The following AGPAT4 variants were observed in gnomAD, a reference collection of about 807,000 sequenced individuals.
AGPAT4 encodes 1-acylglycerol-3-phosphate O-acyltransferase 4.
A neutral mutation model predicts 48.0 loss-of-function variants in AGPAT4; 15 were observed. The observed-to-expected ratio is 0.31, with a 90% CI of 0.21 to 0.48. The LOEUF (loss-of-function observed/expected upper bound fraction) is 0.48. Ranked by LOEUF, AGPAT4 falls within the 20% of genes least tolerant of loss-of-function variation. The pLI is 0.99. For synonymous variants in AGPAT4, 178 were observed against 198.7 expected (o/e 0.90, Z 0.88); for missense variants, 314 against 482.5 (o/e 0.65, Z 3.27).
intron 1 of AGPAT4, among the ~76,000 whole-genome samples, chr6:161,241,419 T>C (rs1782486415): frequency 6.6e-6 from 1 of 152,198 alleles, no homozygotes; most frequent in South Asian, 2.1e-4. Flanking sequence ...TAAATCATAC[T>C]TAACTTTTTC....
In AGPAT4 at chr6:161,202,300, A is replaced by G. The variant is rs1407297095; in HGVS notation, c.178+29736T>C. Among the ~76,000 whole-genome samples the G allele has an allele frequency of 1.3e-5, 2 of 152,050 alleles. No individual in the cohort carries two copies. The highest frequency in any genetic ancestry group is 4.8e-5 in the African/African-American group (2 of 41,408). On this transcript the variant is annotated intron_variant, in intron 2 of 8. Coordinates refer to ENST00000320285, the MANE Select transcript of AGPAT4 (RefSeq NM_020133.3). The surrounding 1 kb of genome is among the most constrained non-coding windows in gnomAD (Gnocchi z 5.4). ...TGAGGCTGGCAAGGTGGTGCTGGCT[A>G]TTGGCTGTAGATCTCAATTCCTCTT...
rs3778222 is a variant in AGPAT4, at chr6:161,151,452, C to T, written c.664+1894G>A. On this transcript the variant is annotated intron_variant, in intron 5 of 8. Transcript: ENST00000320285. ...CTGAGGCAAAGCTCAGTTAGGGAGC[C>T]GCGCTGGCCCAACCCAGAGGGGATG... Among the ~76,000 whole-genome samples the T allele has an allele frequency of 2.0e-3, 301 of 152,334 alleles. 4 individuals carry two copies. In the East Asian group the frequency reaches 0.046, roughly 23 times the overall value.
rs575135319 is a variant in AGPAT4, at chr6:161,178,634, C to G, written c.179-12217G>C. 7.6e-4 allele frequency among the ~76,000 whole-genome samples: 116 copies of G among 152,306 alleles called. No homozygotes were observed. The highest frequency in any genetic ancestry group is 3.8e-3 in the Admixed American group (58 of 15,302). ...CTCACACTCGCGTGGGCTGCACCCACTGTCCGACAAGCCCCAGTGAGATGA... is the reference window on the plus strand; with the variant it reads ...CTCACACTCGCGTGGGCTGCACCCAGTGTCCGACAAGCCCCAGTGAGATGA... On this transcript the variant is annotated intron_variant, in intron 2 of 8. Coordinates refer to ENST00000320285, the MANE Select transcript of AGPAT4 (RefSeq NM_020133.3). The surrounding 1 kb of genome is among the most constrained non-coding windows in gnomAD (Gnocchi z 5.1).
rs1426604206 is a variant in AGPAT4, at chr6:161,219,868, TAGATAGGCAGGCAGGCAGGC to T, written c.178+12148_178+12167del. ...ATAGATAGATAGATAGATAGATAGA[TAGATAGGCAGGCAGGCAGGC>T]AGGCAGGCAGGCAGGCAGGCAGGCA... is the stretch of plus-strand genomic sequence containing the variant. On this transcript the variant is annotated intron_variant, in intron 2 of 8. Transcript: ENST00000320285. The surrounding 1 kb of genome is among the most constrained non-coding windows in gnomAD (Gnocchi z 4.9). Among the ~76,000 whole-genome samples the T allele has an allele frequency of 3.6e-5, 4 of 109,760 alleles. No homozygotes were observed. The highest frequency in any genetic ancestry group is 1.5e-4 in the African/African-American group (4 of 26,934). 72.0% of individuals were successfully genotyped at this position (109,760 alleles called of 152,430 possible). A position where few individuals can be genotyped will look rare whatever the true frequency, so the allele number is the denominator to read the frequency against.
rs924018587 is a variant in AGPAT4 at position 161,266,707 on chromosome 6, C to T, written c.-90+7231G>A. On this transcript the variant is annotated intron_variant, in intron 1 of 8. Coordinates refer to ENST00000320285, the MANE Select transcript of AGPAT4 (RefSeq NM_020133.3). The surrounding 1 kb of genome is among the most constrained non-coding windows in gnomAD (Gnocchi z 6.2). ...GAAAAGAAATGAGCCTGATGACTTACTCCTGGGACGCAGGACACAGTCTGA... is the reference window on the plus strand; with the variant it reads ...GAAAAGAAATGAGCCTGATGACTTATTCCTGGGACGCAGGACACAGTCTGA... 1.3e-5 allele frequency among the ~76,000 whole-genome samples: 2 copies of T among 152,226 alleles called. No individual in the cohort carries two copies. The highest frequency in any genetic ancestry group is 4.8e-5 in the African/African-American group (2 of 41,456).
At position 161,154,157 on chromosome 6, in the gene AGPAT4, T is replaced by C; in HGVS notation, c.502A>G (p.Lys168Glu). The C allele has an allele frequency of 6.2e-7, 1 of 1,614,054 alleles. No homozygotes were observed. The highest frequency in any genetic ancestry group is 2.2e-5 in the East Asian group (1 of 44,860). ...CTCTGGTGCCTACATACAAAATACT[T>C]CTCGGGGTAGTCCCGGAGGTGCTGC... is the stretch of plus-strand genomic sequence containing the variant. The part of the protein sequence containing the change: ...SLQHLRDYPE[K>E]YFFLIHCEGT... Residue 168 changes from lysine (K) to glutamate (E), a missense_variant, in exon 4 of 9, where the codon AAG becomes GAG. Physicochemically the swap from Lys to Glu is moderately conservative, Grantham distance 56 (BLOSUM62 1). Transcript: ENST00000320285. The surrounding 1 kb of genome is among the most constrained non-coding windows in gnomAD (Gnocchi z 7.8).
chr6:161,159,191 TC>T lies in AGPAT4; in HGVS notation c.349-4882del, dbSNP rs1779851010. On this transcript the variant is annotated intron_variant, in intron 3 of 8. Coordinates refer to ENST00000320285, the MANE Select transcript of AGPAT4 (RefSeq NM_020133.3). This position sits in a 1 kb window ranked among gnomAD's most constrained non-coding sequence, Gnocchi z 4.1. ...AAGACAAGCCATCCAGCCCTATCAC[TC>T]CAGGGTCCCCACAAGTCTCCCCATA... Among the ~76,000 whole-genome samples, 1 of 152,092 alleles carries T rather than the reference TC, an allele frequency of 6.6e-6. No individual in the cohort carries two copies. Among genetic ancestry groups the T allele is most frequent in the African/African-American group, 2.4e-5 (1 of 41,414 alleles).
chr6:161,273,556 G>A (rs1783493236), intron 1 of AGPAT4, among the ~76,000 whole-genome samples: 1 of 152,140 alleles, frequency 6.6e-6, no homozygotes, highest in Non-Finnish European at 1.5e-5. Context: ...TATGTAATAG[G>A]AACATTCCCC....
At chr6:161,157,574 A>G (rs1244452529) in intron 3 of AGPAT4, among the ~76,000 whole-genome samples, 3 of 152,204 alleles carry the variant, frequency 2.0e-5, no homozygotes, top group African/African-American at 7.2e-5. Flanking sequence ...CGGCCTCCCA[A>G]AGTGCTGGGG....
chr6:161,182,196 C>T (rs1216209988), intron 2 of AGPAT4, among the ~76,000 whole-genome samples: 3 of 151,426 alleles, frequency 2.0e-5, no homozygotes, highest in African/African-American at 4.9e-5. Flanking sequence ...TATCCCCTCA[C>T]CCCAGCCCTG....
rs973896381 is a variant in AGPAT4, at chr6:161,180,762, G to A, written c.179-14345C>T. ...CTCCTGGCATCATAAGGAGGCTTGG[G>A]AGACAGGACGGTGCCTTCACACTCA... On this transcript the variant is annotated intron_variant, in intron 2 of 8. Coordinates refer to ENST00000320285, the MANE Select transcript of AGPAT4 (RefSeq NM_020133.3). The surrounding 1 kb of genome is among the most constrained non-coding windows in gnomAD (Gnocchi z 6.4). 2.0e-5 allele frequency among the ~76,000 whole-genome samples: 3 copies of A among 152,118 alleles called. No individual in the cohort carries two copies. Among genetic ancestry groups the A allele is most frequent in the Admixed American group, 6.5e-5 (1 of 15,278 alleles).
rs192919892 is a variant in AGPAT4, at chr6:161,261,888, G to A, written c.-90+12050C>T. 2.0e-5 allele frequency among the ~76,000 whole-genome samples: 3 copies of A among 152,274 alleles called. No homozygotes were observed. Among genetic ancestry groups the A allele is most frequent in the African/African-American group, 7.2e-5 (3 of 41,552 alleles). The stretch of plus-strand genomic sequence containing the variant: ...GCATTGACCTTCACACCTGGGTAGG[G>A]GCTCCTGGGCCAGAGACCCAGTTTG... On this transcript the variant is annotated intron_variant, in intron 1 of 8. Transcript: ENST00000320285. This position sits in a 1 kb window ranked among gnomAD's most constrained non-coding sequence, Gnocchi z 5.3.
In AGPAT4 at chr6:161,209,636, C is replaced by T. The variant is rs1407967753; in HGVS notation, c.178+22400G>A. Among the ~76,000 whole-genome samples, 5 of 152,278 alleles carry T rather than the reference C, an allele frequency of 3.3e-5. No homozygotes were observed. The East Asian group carries it at 9.7e-4, about 29-fold the overall frequency. On this transcript the variant is annotated intron_variant, in intron 2 of 8. Transcript: ENST00000320285. ...AGACTCCATGTCAGACCCGAACAGG[C>T]TCCTCGAGGGTCAGACAGGCAAAGC...
At position 161,156,234 on chromosome 6, in the gene AGPAT4, G is replaced by C. The variant is rs1339756014; in HGVS notation, c.349-1924C>G. Among the ~76,000 whole-genome samples, 6 of 152,344 alleles carry C rather than the reference G, an allele frequency of 3.9e-5. No homozygotes were observed. In the South Asian group the frequency reaches 1.0e-3, roughly 26 times the overall value. On this transcript the variant is annotated intron_variant, in intron 3 of 8. Coordinates refer to ENST00000320285, the MANE Select transcript of AGPAT4 (RefSeq NM_020133.3). ...AGATCTTGTATAACACTAGAGAGGA[G>C]TCAGCAAGCTACTGCCCTCGGGACA...
chr6:161,245,288 C>T lies in AGPAT4; in HGVS notation c.-89-12986G>A, dbSNP rs1165767693. On this transcript the variant is annotated intron_variant, in intron 1 of 8. Coordinates refer to ENST00000320285, the MANE Select transcript of AGPAT4 (RefSeq NM_020133.3). The surrounding 1 kb of genome is among the most constrained non-coding windows in gnomAD (Gnocchi z 5.2). ...TGTCAACAGGACGTACTGACATACA[C>T]GCCGGCCCCACAGGGGTGATGGGAG... is the stretch of plus-strand genomic sequence containing the variant. 2.0e-5 allele frequency among the ~76,000 whole-genome samples: 3 copies of T among 152,330 alleles called. No homozygotes were observed. Among genetic ancestry groups the T allele is most frequent in the South Asian group, 2.1e-4 (1 of 4,824 alleles).
chr6:161,197,944 T>C lies in AGPAT4; in HGVS notation c.179-31527A>G, dbSNP rs1432207722. 2.6e-5 allele frequency among the ~76,000 whole-genome samples: 4 copies of C among 152,252 alleles called. No homozygotes were observed. The highest frequency in any genetic ancestry group is 5.9e-5 in the Non-Finnish European group (4 of 68,046). ...TAGGGTTTACCCAGACAATTCGGGC[T>C]GGCAACTTGTTGGTTCTATTTTAAT... On this transcript the variant is annotated intron_variant, in intron 2 of 8. Coordinates refer to ENST00000320285, the MANE Select transcript of AGPAT4 (RefSeq NM_020133.3). This position sits in a 1 kb window ranked among gnomAD's most constrained non-coding sequence, Gnocchi z 5.7.
In AGPAT4 at chr6:161,249,719, A is replaced by C. The variant is rs1052925244; in HGVS notation, c.-89-17417T>G. ...CACATACACCATTGGTGGGAGTGTA[A>C]GTTAGTTCAACCATTGTGGAAAACA... On this transcript the variant is annotated intron_variant, in intron 1 of 8. Coordinates refer to ENST00000320285, the MANE Select transcript of AGPAT4 (RefSeq NM_020133.3). This position sits in a 1 kb window ranked among gnomAD's most constrained non-coding sequence, Gnocchi z 6.2. 6.9e-6 allele frequency among the ~76,000 whole-genome samples: 1 copy of C among 145,808 alleles called. No homozygotes were observed. The highest frequency in any genetic ancestry group is 1.5e-5 in the Non-Finnish European group (1 of 64,568).
chr6:161,210,808 C>T (rs890444622), intron 2 of AGPAT4, among the ~76,000 whole-genome samples: 3 of 152,150 alleles, frequency 2.0e-5, no homozygotes, highest in Admixed American at 6.5e-5. Context: ...ATAAACCCAG[C>T]CCAAATCAGA....
rs1782145267 is a variant in AGPAT4, at chr6:161,232,355, G to T, written c.-89-53C>A. 1 of 844,884 alleles carries T rather than the reference G, an allele frequency of 1.2e-6. No homozygotes were observed. 52.3% of individuals were successfully genotyped at this position (844,884 alleles called of 1,614,324 possible). ...AGCAAAAACACGATGTGCTTTTAGA[G>T]TCAGAAAAAAAGTGCTCTGAAAAGA... is the stretch of plus-strand genomic sequence containing the variant. On this transcript the variant is annotated intron_variant, in intron 1 of 8. Coordinates refer to ENST00000320285, the MANE Select transcript of AGPAT4 (RefSeq NM_020133.3). This position sits in a 1 kb window ranked among gnomAD's most constrained non-coding sequence, Gnocchi z 6.8.
Sources: gnomAD v4.1 joint callset for allele counts (sites outside exome capture counted in the v4.1 genomes callset) on GRCh38, gnomAD v4.1.1 for gene constraint, Gnocchi (gnomAD v3.1) non-coding constraint, MANE v1.5 for transcripts, NCBI Gene and HGNC (gene_info 2026-07-23, HGNC 2026-07-21) for gene names.